The following CUX2 variants were observed in gnomAD, a reference collection of about 807,000 sequenced individuals.
The protein encoded by CUX2 is cut like homeobox 2, also known as homeobox protein cut-like 2.
Under a neutral mutation model 144.8 loss-of-function variants are expected in CUX2, and 40 were observed. The observed-to-expected ratio is 0.28, with a 90% CI of 0.21 to 0.36. The LOEUF (loss-of-function observed/expected upper bound fraction) is 0.36. Among genes scored for constraint, CUX2 ranks in the 10% least tolerant of loss-of-function variants. The pLI is 1.00. For missense variants in CUX2, 1,615 were observed against 1,994.0 expected, an observed-to-expected ratio of 0.81 and a Z score of 3.62; for synonymous variants, 827 against 875.6, an observed-to-expected ratio of 0.94 and a Z score of 0.98.
chr12:111,156,861 C>T (rs913559776), intron 1 of CUX2, among the ~76,000 whole-genome samples: 7 of 151,776 alleles, frequency 4.6e-5, no homozygotes, highest in African/African-American at 1.7e-4. Context: ...CCTGTAATCC[C>T]TGTAATCCCA....
intron 3 of CUX2, among the ~76,000 whole-genome samples, chr12:111,245,061 T>C (rs182596438): frequency 5.3e-5 from 8 of 152,294 alleles, no homozygotes; most frequent in Admixed American, 2.6e-4. Flanking sequence ...CAAGCCCCCC[T>C]ACTCTGAGAA....
chr12:111,279,611 C>CGTTTGG (rs1885026921), intron 4 of CUX2, among the ~76,000 whole-genome samples: 1 of 150,624 alleles, frequency 6.6e-6, no homozygotes. Context: ...TTGCTGGAAC[C>CGTTTGG]CAGGAGTTTG....
chr12:111,220,327 T>C (rs189850794), intron 3 of CUX2, among the ~76,000 whole-genome samples: 2 of 152,256 alleles, frequency 1.3e-5, no homozygotes, highest in Admixed American at 1.3e-4. Flanking sequence ...CATCTGCCAC[T>C]TTCCTAACTA....
chr12:111,236,183 T>C (rs928024657), intron 3 of CUX2, among the ~76,000 whole-genome samples: 1 of 152,190 alleles, frequency 6.6e-6, no homozygotes, highest in Non-Finnish European at 1.5e-5. Flanking sequence ...ATGATCCTTG[T>C]TATCACCATC....
Position 111,311,594 on chromosome 12 carries a change from A to ATTT in CUX2, c.1901-504_1901-503insTTT, listed in dbSNP as rs767367160. 2.1e-3 allele frequency among the ~76,000 whole-genome samples: 284 copies of ATTT among 133,654 alleles called. 11 individuals carry two copies. Among genetic ancestry groups the ATTT allele is most frequent in the African/African-American group, 7.2e-3 (217 of 29,958 alleles). The allele number at this position is 133,654 out of a possible 152,430, so 87.7% of individuals were successfully genotyped here. A position where few individuals can be genotyped will look rare whatever the true frequency, so the allele number is the denominator to read the frequency against. On this transcript the variant is annotated intron_variant, in intron 15 of 21. Transcript: ENST00000261726. ...ATAAGCCACTGTACCCTATTTCTTT[A>ATTT]TTATTATTATTTTTTTTTTTTTGAG...
chr12:111,337,133 C>G (rs994643056), intron 19 of CUX2, among the ~76,000 whole-genome samples: 5 of 152,112 alleles, frequency 3.3e-5, no homozygotes, highest in African/African-American at 1.2e-4. Flanking sequence ...CAAGATCACA[C>G]CACTGCAGTC....
intron 1 of CUX2, among the ~76,000 whole-genome samples, chr12:111,200,336 C>T (rs1237346715): frequency 6.6e-6 from 1 of 151,956 alleles, no homozygotes; most frequent in African/African-American, 2.4e-5. Flanking sequence ...ATAATAAGCA[C>T]TTTAATAAAA....
intron 1 of CUX2, among the ~76,000 whole-genome samples, chr12:111,210,382 A>G (rs957975215): frequency 2.0e-5 from 3 of 152,092 alleles, no homozygotes; most frequent in African/African-American, 4.8e-5. Context: ...GCAATACTCT[A>G]CCGGTCTTCC....
intron 1 of CUX2, among the ~76,000 whole-genome samples, chr12:111,179,593 G>GGTTGTTGTT (rs150316221): frequency 7.9e-4 from 120 of 151,382 alleles, no homozygotes; most frequent in African/African-American, 2.8e-3. Flanking sequence ...CCATCGCCGT[G>GGTTGTTGTT]GTTGTTGTTG....
intron 1 of CUX2, among the ~76,000 whole-genome samples, chr12:111,048,636 C>G (rs1205991891): frequency 2.0e-5 from 3 of 151,988 alleles, no homozygotes; most frequent in Admixed American, 6.5e-5. Context: ...GCCCAGTGGT[C>G]TCTGTGGGCA....
intron 3 of CUX2, among the ~76,000 whole-genome samples, chr12:111,234,859 C>T (rs970902034): frequency 9.2e-5 from 14 of 152,080 alleles, no homozygotes; most frequent in African/African-American, 3.4e-4. Context: ...GCTGGGACTA[C>T]AGGCACACAC....
At chr12:111,314,841 C>CA (rs1038340003) in intron 16 of CUX2, among the ~76,000 whole-genome samples, 64 of 149,286 alleles carry the variant, frequency 4.3e-4, no homozygotes, top group Admixed American at 1.5e-3. Flanking sequence ...GATGCTGTCT[C>CA]AAAAAAAAAT....
chr12:111,219,461 T>C (rs1881730235), intron 3 of CUX2, among the ~76,000 whole-genome samples: 1 of 152,082 alleles, frequency 6.6e-6, no homozygotes, highest in South Asian at 2.1e-4. Context: ...AAGCTCCCTA[T>C]AGCAGCTGAT....
intron 1 of CUX2, among the ~76,000 whole-genome samples, chr12:111,118,488 C>G (rs1296533663): frequency 6.6e-6 from 1 of 152,102 alleles, no homozygotes; most frequent in Non-Finnish European, 1.5e-5. Context: ...CCAGTCAGGG[C>G]TTTTTTCCCC....
chr12:111,092,130 C>T (rs1872592001), intron 1 of CUX2, among the ~76,000 whole-genome samples: 1 of 152,206 alleles, frequency 6.6e-6, no homozygotes, highest in Non-Finnish European at 1.5e-5. Flanking sequence ...CAACCCAATA[C>T]CAGCATCTTT....
intron 1 of CUX2, among the ~76,000 whole-genome samples, chr12:111,189,144 C>T (rs918060630): frequency 3.3e-5 from 5 of 152,030 alleles, no homozygotes; most frequent in African/African-American, 1.2e-4. Flanking sequence ...TGGTGGTGTG[C>T]GCCTGTGGTC....
chr12:111,309,630 TCTGA>T (rs1886774388), intron 14 of CUX2, among the ~76,000 whole-genome samples: 1 of 148,868 alleles, frequency 6.7e-6, no homozygotes, highest in African/African-American at 2.5e-5. Flanking sequence ...TTCCTCTATT[TCTGA>T]CTTTCTGTCT....
intron 1 of CUX2, among the ~76,000 whole-genome samples, chr12:111,075,898 T>C (rs374298896): frequency 6.6e-6 from 1 of 152,092 alleles, no homozygotes; most frequent in South Asian, 2.1e-4. Flanking sequence ...TGAATAATAA[T>C]GATGATGATA....
chr12:111,102,897 T>G (rs1213581529), intron 1 of CUX2, among the ~76,000 whole-genome samples: 1 of 152,240 alleles, frequency 6.6e-6, no homozygotes, highest in Non-Finnish European at 1.5e-5. Flanking sequence ...TTACTATTGT[T>G]ACTATCTTAT....
Sources: allele counts gnomAD v4.1 joint callset (sites outside exome capture counted in the v4.1 genomes callset), GRCh38; gene constraint gnomAD v4.1.1; transcripts MANE v1.5; gene names NCBI Gene and HGNC (gene_info 2026-07-23, HGNC 2026-07-21).